The following PAX6 variants were observed in gnomAD, a reference collection of about 807,000 sequenced individuals.
PAX6 encodes the protein paired box protein Pax-6.
A neutral mutation model predicts 60.7 loss-of-function variants in PAX6; 7 were observed. That is an observed-to-expected ratio of 0.12 (90% CI 0.07 to 0.22). The LOEUF (loss-of-function observed/expected upper bound fraction) is 0.22. Ranked by LOEUF, PAX6 falls within the 10% of genes least tolerant of loss-of-function variation. PAX6 has a pLI of 1.00. For missense variants in PAX6, 355 were observed against 555.2 expected (o/e 0.64, Z 3.62); for synonymous variants, 208 against 201.2 (o/e 1.03, Z -0.29).
At chr11:31,801,316 G>A in intron 7 of PAX6, 8 of 1,424,582 alleles carry the variant, frequency 5.6e-6, no homozygotes, top group Non-Finnish European at 7.3e-6. Flanking sequence ...TTTCCCTGGT[G>A]CCTCCGCCCT....
At chr11:31,807,597 AC>A (rs1956131122) in intron 2 of PAX6, 1 of 152,042 alleles carries the variant, frequency 6.6e-6, no homozygotes, top group African/African-American at 2.4e-5. Flanking sequence ...TTAGATCTTC[AC>A]CCCTTTAACT....
At chr11:31,814,082 G>C (rs911706009), upstream of PAX6, 1 of 152,082 alleles carries the variant, frequency 6.6e-6, no homozygotes, top group African/African-American at 2.4e-5. Flanking sequence ...CGGGGATTGC[G>C]CTTTAGGTTC....
chr11:31,793,833 T>G (rs1415621768), intron 10 of PAX6, 31 bp from the exon 11 acceptor site: 2 of 1,614,016 alleles, frequency 1.2e-6, no homozygotes, highest in Non-Finnish European at 1.7e-6. Flanking sequence ...GTTAGCACTG[T>G]GTCTACGTCG....
chr11:31,794,348 T>A lies in PAX6; in HGVS notation c.725-234A>T, dbSNP rs2239789. 300,820 of 612,804 alleles carry A rather than the reference T, an allele frequency of 0.49. 76,165 individuals carry two copies. Among genetic ancestry groups the A allele is most frequent in the South Asian group, 0.6 (30,491 of 51,194 alleles). 38.0% of individuals were successfully genotyped at this position (612,804 alleles called of 1,614,324 possible). ...GTGGCCTGAAATAGCCAAATCATCA[T>A]TTTTCCTTATAAGTCAGACATTTAG... On this transcript the variant is annotated intron_variant, in intron 9 of 13. Transcript: ENST00000640368.
At chr11:31,812,302 C>CCGTGTG (rs1554988132), upstream of PAX6, 1 of 86,196 alleles carries the variant, frequency 1.2e-5, no homozygotes, top group East Asian at 3.8e-4. Flanking sequence ...CTCTCTCTCT[C>CCGTGTG]TGTGTGTGTG....
chr11:31,798,004 G>GAGAC (rs1952207243), intron 8 of PAX6, among the ~76,000 whole-genome samples: 2 of 152,028 alleles, frequency 1.3e-5, no homozygotes, highest in South Asian at 2.1e-4. Flanking sequence ...GAGAGAGAGA[G>GAGAC]AGACAGAGAG....
chr11:31,799,718 G>C (rs1049914371), intron 8 of PAX6, among the ~76,000 whole-genome samples: 21 of 152,142 alleles, frequency 1.4e-4, no homozygotes, highest in Non-Finnish European at 2.2e-4. Context: ...GAGAGCTCAC[G>C]GATGCGCCGG....
At chr11:31,815,319 A>G (rs1198872877), upstream of PAX6, among the ~76,000 whole-genome samples, 3 of 152,150 alleles carry the variant, frequency 2.0e-5, no homozygotes, top group Non-Finnish European at 2.9e-5. Flanking sequence ...TTTTCCCTGT[A>G]ACCTCTGCCC....
chr11:31,797,507 GAAAAAAA>G (rs36004875), intron 8 of PAX6, among the ~76,000 whole-genome samples: 75 of 101,392 alleles, frequency 7.4e-4, no homozygotes, highest in African/African-American at 4.9e-4. Flanking sequence ...TTTAAATCTG[GAAAAAAA>G]AAAAAAAAAA....
At chr11:31,797,763 T>C (rs957257918) in intron 8 of PAX6, among the ~76,000 whole-genome samples, 7 of 152,166 alleles carry the variant, frequency 4.6e-5, no homozygotes, top group Non-Finnish European at 8.8e-5. Flanking sequence ...AACTAGAAGT[T>C]GGATCTCGAC....
At chr11:31,795,164 T>A (rs1951130328) in intron 8 of PAX6, among the ~76,000 whole-genome samples, 2 of 152,362 alleles carry the variant, frequency 1.3e-5, no homozygotes, top group South Asian at 4.1e-4. Context: ...AAGAGTGATG[T>A]TCAAGATTTC....
Position 31,790,763 on chromosome 11 carries a change from A to C in PAX6, c.1172T>G (p.Met391Arg), listed in dbSNP as rs1443525166. 1 of 1,613,946 alleles carries C rather than the reference A, an allele frequency of 6.2e-7. No individual in the cohort carries two copies. The highest frequency in any genetic ancestry group is 1.1e-5 in the South Asian group (1 of 91,076). Residue 391 changes from methionine to arginine, a missense_variant, in exon 13 of 14, where the codon ATG (methionine) becomes AGG (arginine). Physicochemically the swap from Met to Arg is moderately conservative, Grantham distance 91. Transcript: ENST00000640368. ...TGGCTGACTGTTCATGTGTGTCTGC[A>C]TATGTGGGGGGGTGTAGGTATCATA... ...RSYDTYTPPH[M>R]QTHMNSQPMG...
chr11:31,802,937 A>G (rs1315385793), intron 4 of PAX6, 103 bp from the exon 5 acceptor site: 7 of 1,145,628 alleles, frequency 6.1e-6, no homozygotes, highest in Non-Finnish European at 8.9e-6. Flanking sequence ...GGAGAACAAG[A>G]ACAGAAAGGA....
At chr11:31,815,367 C>A (rs183404864), upstream of PAX6, among the ~76,000 whole-genome samples, 663 of 152,272 alleles carry the variant, frequency 4.4e-3, 1 homozygote, top group Non-Finnish European at 6.7e-3. Flanking sequence ...GAAAAGCAAG[C>A]AAGTCAAGGC....
chr11:31,797,782 C>A (rs1175775653), intron 8 of PAX6, among the ~76,000 whole-genome samples: 1 of 152,124 alleles, frequency 6.6e-6, no homozygotes, highest in African/African-American at 2.4e-5. Flanking sequence ...ACTCCCCCAC[C>A]CCCACGATAA....
At chr11:31,792,979 TCAC>T in intron 12 of PAX6, 1 of 436,094 alleles carries the variant, frequency 2.3e-6, no homozygotes, top group Non-Finnish European at 4.1e-6. Flanking sequence ...TTTTTCTTTC[TCAC>T]TAGTTTATCA....
upstream of PAX6, chr11:31,813,243 C>G (rs1393917440): frequency 1.3e-5 from 2 of 152,020 alleles, no homozygotes; most frequent in African/African-American, 2.4e-5. Context: ...CGGAGGATGC[C>G]GGCAAGTGGG....
chr11:31,800,297 G>A (rs1953222354), intron 8 of PAX6, among the ~76,000 whole-genome samples: 1 of 152,114 alleles, frequency 6.6e-6, no homozygotes, highest in Non-Finnish European at 1.5e-5. Flanking sequence ...AAAAGCAACA[G>A]GATACAATTA....
intron 1 of PAX6, chr11:31,816,367 G>C (rs1275927835): frequency 1.7e-6 from 1 of 582,104 alleles, no homozygotes; most frequent in African/African-American, 1.9e-5. Flanking sequence ...CGAAGGGCAC[G>C]GGCATGAGAA....
Sources: gnomAD v4.1 joint callset for allele counts (sites outside exome capture counted in the v4.1 genomes callset) on GRCh38, gnomAD v4.1.1 for gene constraint, MANE v1.5 for transcripts, NCBI Gene and HGNC (gene_info 2026-07-23, HGNC 2026-07-21) for gene names.